Variants in NAALADL2 observed in about 807,000 individuals in gnomAD.
The protein encoded by NAALADL2 is inactive N-acetylated-alpha-linked acidic dipeptidase-like protein 2.
Under a neutral mutation model 87.2 loss-of-function variants are expected in NAALADL2, and 76 were observed. That is an observed-to-expected ratio of 0.87 (90% CI 0.72 to 1.05). NAALADL2 has a LOEUF of 1.05. NAALADL2 is among the 50% of genes least tolerant of loss of function. The probability of loss-of-function intolerance (pLI) is 0.00; values close to 1 mark genes in which losing one functional copy is unlikely to be tolerated. For missense variants in NAALADL2, 1,089 were observed against 945.8 expected (o/e 1.15, Z -1.99); for synonymous variants, 354 against 331.0 (o/e 1.07, Z -0.75).
intron 11 of NAALADL2, among the ~76,000 whole-genome samples, chr3:175,671,420 TC>T: frequency 6.6e-6 from 1 of 152,152 alleles, no homozygotes; most frequent in East Asian, 1.9e-4. Context: ...ACTGTTATCT[TC>T]CCTCTTAATG....
chr3:175,795,673 ACT>A lies in NAALADL2; in HGVS notation c.2190-7329_2190-7328del, dbSNP rs1255614745. On this transcript the variant is annotated intron_variant, in intron 13 of 13. Coordinates refer to ENST00000454872, the MANE Select transcript of NAALADL2 (RefSeq NM_207015.3). ...ACTCCAGCCTGGGCAACATAGCGAG[ACT>A]CTGTCTCAAAAAATAAAAAAATAAA... Among the ~76,000 whole-genome samples the A allele has an allele frequency of 9.9e-3, 1,499 of 151,932 alleles. 21 individuals are homozygous for A. Among genetic ancestry groups the A allele is most frequent in the African/African-American group, 0.035 (1,435 of 41,352 alleles).
chr3:174,677,738 A>G (rs1164585411), intron 2 of NAALADL2, among the ~76,000 whole-genome samples: 1 of 152,128 alleles, frequency 6.6e-6, no homozygotes, highest in African/African-American at 2.4e-5. Flanking sequence ...GGTCGATAGC[A>G]TTGTAACTCA....
At chr3:175,330,414 G>A (rs1173249860) in intron 5 of NAALADL2, among the ~76,000 whole-genome samples, 1 of 150,316 alleles carries the variant, frequency 6.7e-6, no homozygotes, top group African/African-American at 2.5e-5. Context: ...CTTCACGCAA[G>A]CCTTGGTTAC....
chr3:175,109,589 A>C (rs2108485758), intron 2 of NAALADL2, among the ~76,000 whole-genome samples: 1 of 151,974 alleles, frequency 6.6e-6, no homozygotes, highest in South Asian at 2.1e-4. Context: ...GAAGGAATAT[A>C]GTTTACAAAG....
Position 175,360,757 on chromosome 3 carries a change from A to G in NAALADL2, c.1090+36432A>G, listed in dbSNP as rs1342295301. Among the ~76,000 whole-genome samples, 3 of 151,262 alleles carry G rather than the reference A, an allele frequency of 2.0e-5. No individual in the cohort carries two copies. In the East Asian group the frequency reaches 5.8e-4, roughly 29 times the overall value. ...TAACTCTTTCTTCATTTATTTTCCT[A>G]TAGCTCTCAGGGTATGTTAATTCAT... is the stretch of plus-strand genomic sequence containing the variant. On this transcript the variant is annotated intron_variant, in intron 5 of 13. Coordinates refer to ENST00000454872, the MANE Select transcript of NAALADL2 (RefSeq NM_207015.3).
intron 5 of NAALADL2, among the ~76,000 whole-genome samples, chr3:175,442,236 C>T (rs886950132): frequency 2.6e-5 from 4 of 152,046 alleles, no homozygotes; most frequent in South Asian, 2.1e-4. Flanking sequence ...TGAGCCACCA[C>T]GCCTGGCCAA....
intron 1 of NAALADL2, among the ~76,000 whole-genome samples, chr3:174,465,906 G>GT (rs1210694642): frequency 6.6e-6 from 1 of 151,942 alleles, no homozygotes; most frequent in Non-Finnish European, 1.5e-5. Context: ...GTGTGTGTCT[G>GT]TTCCTGTTTG....
intron 13 of NAALADL2, among the ~76,000 whole-genome samples, chr3:175,793,861 C>G (rs920963140): frequency 4.6e-5 from 7 of 152,062 alleles, no homozygotes; most frequent in Admixed American, 2.0e-4. Flanking sequence ...AAAGGCTGTT[C>G]AGTAGAATAA....
At chr3:175,413,365 A>T in intron 5 of NAALADL2, among the ~76,000 whole-genome samples, 1 of 150,950 alleles carries the variant, frequency 6.6e-6, no homozygotes, top group East Asian at 2.0e-4. Context: ...AAGTCAAGAG[A>T]TAGAGACCAT....
At chr3:175,304,248 A>C (rs1259005501) in intron 4 of NAALADL2, among the ~76,000 whole-genome samples, 1 of 152,160 alleles carries the variant, frequency 6.6e-6, no homozygotes, top group Non-Finnish European at 1.5e-5. Flanking sequence ...AGGAGTCATA[A>C]GCTTTTGGAT....
intron 1 of NAALADL2, among the ~76,000 whole-genome samples, chr3:175,049,531 G>A (rs1481687362): frequency 6.6e-6 from 1 of 152,196 alleles, no homozygotes; most frequent in Non-Finnish European, 1.5e-5. Flanking sequence ...GCTATCGTCA[G>A]GACTCCATCC....
chr3:175,197,391 G>T (rs1739185396), intron 2 of NAALADL2, among the ~76,000 whole-genome samples: 1 of 151,910 alleles, frequency 6.6e-6, no homozygotes, highest in African/African-American at 2.4e-5. Context: ...ATGCATTCAT[G>T]ACACAGCTTT....
chr3:175,746,318 T>TG (rs1222452712), intron 12 of NAALADL2, among the ~76,000 whole-genome samples: 25 of 151,314 alleles, frequency 1.7e-4, no homozygotes, highest in African/African-American at 5.3e-4. Context: ...TTGGTTTGTT[T>TG]TTTTTTTTTT....
intron 4 of NAALADL2, among the ~76,000 whole-genome samples, chr3:175,291,656 T>C (rs1205174766): frequency 6.6e-6 from 1 of 152,106 alleles, no homozygotes; most frequent in African/African-American, 2.4e-5. Context: ...ATGTAACATA[T>C]AAGAGCTTTA....
intron 1 of NAALADL2, among the ~76,000 whole-genome samples, chr3:174,918,319 G>T (rs1734684631): frequency 6.6e-6 from 1 of 151,964 alleles, no homozygotes; most frequent in Admixed American, 6.6e-5. Flanking sequence ...GTATCAGTGG[G>T]ATATTAGCCC....
chr3:175,804,003 G>T lies in NAALADL2; in HGVS notation c.*800G>T, dbSNP rs1414192379. On this transcript the variant is annotated 3_prime_UTR_variant, in exon 14 of 14. Transcript: ENST00000454872. ...TCTTATTACTTTTTCTCTTGTTTCT[G>T]TTGGAAACACTGAAGCAGGGACTCT... The T allele has an allele frequency of 6.6e-6, 1 of 152,154 alleles. No homozygotes were observed. Among genetic ancestry groups the T allele is most frequent in the East Asian group, 1.9e-4 (1 of 5,178 alleles). The allele number at this position is 152,154 out of a possible 1,614,324, so 9.4% of individuals were successfully genotyped here. A position where few individuals can be genotyped will look rare whatever the true frequency, so the allele number is the denominator to read the frequency against.
chr3:175,562,626 A>G (rs1324867274), intron 9 of NAALADL2, among the ~76,000 whole-genome samples: 1 of 151,934 alleles, frequency 6.6e-6, no homozygotes, highest in Non-Finnish European at 1.5e-5. Context: ...GTAGTGTTAG[A>G]AATTGCTCTG....
At chr3:174,752,615 C>T (rs1034226039) in intron 3 of NAALADL2, among the ~76,000 whole-genome samples, 2 of 151,224 alleles carry the variant, frequency 1.3e-5, no homozygotes, top group Non-Finnish European at 2.9e-5. Context: ...AACCAGCTTT[C>T]AGTTTTCTTC....
chr3:174,805,945 A>AT (rs1401672911), intron 3 of NAALADL2, among the ~76,000 whole-genome samples: 1 of 152,148 alleles, frequency 6.6e-6, no homozygotes, highest in Non-Finnish European at 1.5e-5. Flanking sequence ...TTTTAAAGAG[A>AT]TTAAGCTAAC....
Sources: allele counts gnomAD v4.1 joint callset (sites outside exome capture counted in the v4.1 genomes callset), GRCh38; gene constraint gnomAD v4.1.1; transcripts MANE v1.5; gene names NCBI Gene and HGNC (gene_info 2026-07-23, HGNC 2026-07-21).